Variants in DENND1A observed in about 807,000 individuals in gnomAD.
The protein encoded by DENND1A is DENN domain containing 1A, also known as DENN domain-containing protein 1A.
DENND1A carries 51 observed loss-of-function variants against 113.7 expected under a neutral mutation model. That is an observed-to-expected ratio of 0.45 (90% CI 0.36 to 0.57). The LOEUF (loss-of-function observed/expected upper bound fraction) is 0.57. Ranked by LOEUF, DENND1A falls within the 20% of genes least tolerant of loss-of-function variation. DENND1A has a pLI of 0.00. For synonymous variants in DENND1A, 565 were observed against 570.8 expected (o/e 0.99, Z 0.14); for missense variants, 1,258 against 1,395.9 (o/e 0.90, Z 1.57).
chr9:123,660,091 GC>G (rs149831710), intron 8 of DENND1A, among the ~76,000 whole-genome samples: 1 of 152,266 alleles, frequency 6.6e-6, no homozygotes, highest in Non-Finnish European at 1.5e-5. Flanking sequence ...AGGAACAAAA[GC>G]TTACAAACCT....
chr9:123,703,706 A>G (rs2066013652), intron 5 of DENND1A, among the ~76,000 whole-genome samples: 1 of 152,128 alleles, frequency 6.6e-6, no homozygotes, highest in African/African-American at 2.4e-5. Flanking sequence ...AGCTAGACAC[A>G]AAGGAGTACA....
chr9:123,468,250 G>A (rs1463502635), intron 13 of DENND1A, among the ~76,000 whole-genome samples: 2 of 152,136 alleles, frequency 1.3e-5, no homozygotes, highest in African/African-American at 2.4e-5. Flanking sequence ...ACCTGCCTCC[G>A]GGGACTGCTG....
chr9:123,392,875 C>G (rs2042928598), intron 21 of DENND1A, among the ~76,000 whole-genome samples: 1 of 152,190 alleles, frequency 6.6e-6, no homozygotes, highest in South Asian at 2.1e-4. Flanking sequence ...TTTGCATCCT[C>G]AAAGCTTAGT....
chr9:123,593,026 T>C (rs777575023), intron 11 of DENND1A, among the ~76,000 whole-genome samples: 1 of 152,194 alleles, frequency 6.6e-6, no homozygotes, highest in Non-Finnish European at 1.5e-5. Context: ...AGTGACTCAA[T>C]TGAGATTCTA....
chr9:123,466,031 C>T (rs777525113), intron 13 of DENND1A, among the ~76,000 whole-genome samples: 12 of 152,084 alleles, frequency 7.9e-5, no homozygotes, highest in Non-Finnish European at 1.3e-4. Context: ...GATGGAGTCT[C>T]GCTCTGTCAC....
intron 2 of DENND1A, among the ~76,000 whole-genome samples, chr9:123,808,469 C>A (rs1012046013): frequency 6.6e-6 from 1 of 151,458 alleles, no homozygotes; most frequent in Admixed American, 6.6e-5. Context: ...CAGCCTCAAA[C>A]TCCTGGGCTC....
At chr9:123,606,880 A>C (rs1331346553) in intron 11 of DENND1A, among the ~76,000 whole-genome samples, 1 of 152,254 alleles carries the variant, frequency 6.6e-6, no homozygotes, top group Non-Finnish European at 1.5e-5. Flanking sequence ...AGGCACCATA[A>C]GTGAAAGAAG....
At chr9:123,505,097 T>A (rs2052805791) in intron 13 of DENND1A, among the ~76,000 whole-genome samples, 1 of 152,240 alleles carries the variant, frequency 6.6e-6, no homozygotes, top group Non-Finnish European at 1.5e-5. Flanking sequence ...AACTCCGTGA[T>A]AATTTGGCAT....
chr9:123,484,856 C>T (rs2050659182), intron 13 of DENND1A, among the ~76,000 whole-genome samples: 1 of 152,196 alleles, frequency 6.6e-6, no homozygotes, highest in South Asian at 2.1e-4. Flanking sequence ...CCCAGCAGAC[C>T]TGATCCCACT....
chr9:123,446,672 C>G (rs1254089905), intron 18 of DENND1A, among the ~76,000 whole-genome samples: 1 of 152,052 alleles, frequency 6.6e-6, no homozygotes, highest in Non-Finnish European at 1.5e-5. Context: ...AAAAAATTAG[C>G]CAGGCATGGT....
chr9:123,633,986 C>A (rs1383500901), intron 9 of DENND1A, among the ~76,000 whole-genome samples: 1 of 152,192 alleles, frequency 6.6e-6, no homozygotes, highest in African/African-American at 2.4e-5. Context: ...GTAACATCAT[C>A]ACATGAATTA....
At chr9:123,815,218 T>C (rs1837249620) in intron 2 of DENND1A, among the ~76,000 whole-genome samples, 1 of 152,270 alleles carries the variant, frequency 6.6e-6, no homozygotes, top group Admixed American at 6.5e-5. Context: ...TCTCCTGCAG[T>C]GTCAGATGCT....
intron 1 of DENND1A, among the ~76,000 whole-genome samples, chr9:123,897,939 CA>C (rs1427098655): frequency 7.0e-6 from 1 of 143,748 alleles, no homozygotes; most frequent in Non-Finnish European, 1.5e-5. Flanking sequence ...GACCCTGTCT[CA>C]AGCGGAAAAA....
chr9:123,784,561 T>C (rs957744598), intron 3 of DENND1A, among the ~76,000 whole-genome samples: 1 of 152,182 alleles, frequency 6.6e-6, no homozygotes, highest in Non-Finnish European at 1.5e-5. Flanking sequence ...ACTTGGTCCA[T>C]TTAGTTTTAA....
rs1370081966 is a variant in DENND1A at position 123,454,720 on chromosome 9, G to A, written c.1227+19C>T. On this transcript the variant is annotated intron_variant, in intron 16 of 23. Transcript: ENST00000394215. The stretch of plus-strand genomic sequence containing the variant: ...CTAAGGAGGGAGTCCAGGGGGCTCT[G>A]AATTGGGTGCATGCTTACCCGGACA... The A allele has an allele frequency of 1.9e-6, 3 of 1,553,104 alleles. No homozygotes were observed. Among genetic ancestry groups the A allele is most frequent in the Non-Finnish European group, 2.6e-6 (3 of 1,147,598 alleles).
chr9:123,457,684 C>T (rs2048231912), intron 14 of DENND1A, 109 bp downstream of exon 14: 1 of 1,090,572 alleles, frequency 9.2e-7, no homozygotes, highest in Non-Finnish European at 1.3e-6. Context: ...CCTCTTTTGC[C>T]TGGGGCCTGA....
chr9:123,450,043 G>GAAAAAAAA (rs112846577), intron 18 of DENND1A, among the ~76,000 whole-genome samples: 1 of 119,732 alleles, frequency 8.4e-6, no homozygotes, highest in Non-Finnish European at 1.8e-5. Context: ...GATAAAAAAA[G>GAAAAAAAA]AAAAAAAAAA....
In DENND1A at chr9:123,440,399, G is replaced by A. The variant is rs375180265; in HGVS notation, c.1449C>T (p.Leu483=). The change falls in exon 19 of 24, where the codon CTC becomes CTT. Residue 483 remains leucine, a synonymous_variant. Transcript: ENST00000394215. The stretch of plus-strand genomic sequence containing the variant: ...CTGTGATTGGCCGCCGGTCTTCTCG[G>A]AGCTTGGGGTCCTTGGCCTCCACCA... ...SPLVEAKDPK[L]REDRRPITVH... The A allele has an allele frequency of 1.6e-5, 26 of 1,600,502 alleles. No homozygotes were observed. Among genetic ancestry groups the A allele is most frequent in the Non-Finnish European group, 2.2e-5 (26 of 1,174,776 alleles).
intron 1 of DENND1A, among the ~76,000 whole-genome samples, chr9:123,891,545 G>T (rs552219197): frequency 6.6e-6 from 1 of 152,284 alleles, no homozygotes; most frequent in South Asian, 2.1e-4. Flanking sequence ...TACTATAAAA[G>T]AACAGTAGTT....
Sources: allele counts gnomAD v4.1 joint callset (sites outside exome capture counted in the v4.1 genomes callset), GRCh38; gene constraint gnomAD v4.1.1; transcripts MANE v1.5; gene names NCBI Gene and HGNC (gene_info 2026-07-23, HGNC 2026-07-21).